Variants in XPNPEP3 observed in about 807,000 individuals in gnomAD.
XPNPEP3 encodes the protein xaa-Pro aminopeptidase 3.
Under a neutral mutation model 60.0 loss-of-function variants are expected in XPNPEP3, and 41 were observed. That is an observed-to-expected ratio of 0.68 (90% CI 0.53 to 0.89). The LOEUF is 0.89. Among genes scored for constraint, XPNPEP3 ranks in the 40% least tolerant of loss-of-function variants. XPNPEP3 has a pLI of 0.00. For synonymous variants in XPNPEP3, 212 were observed against 223.2 expected (o/e 0.95, Z 0.45); for missense variants, 598 against 638.9 (o/e 0.94, Z 0.69).
At chr22:40,861,432 G>C in intron 1 of XPNPEP3, 2 of 1,613,876 alleles carry the variant, frequency 1.2e-6, no homozygotes, top group Middle Eastern at 3.3e-4. Context: ...GTCTGAAGTT[G>C]TAACAGATAT....
At chr22:40,861,895 T>A (rs751415028) in intron 1 of XPNPEP3, 1 of 1,614,138 alleles carries the variant, frequency 6.2e-7, no homozygotes, top group South Asian at 1.1e-5. Flanking sequence ...TCTGGATTTT[T>A]ATCAGGGTGC....
chr22:40,879,496 G>A (rs564633372), intron 2 of XPNPEP3, among the ~76,000 whole-genome samples: 8 of 152,194 alleles, frequency 5.3e-5, no homozygotes, highest in South Asian at 2.1e-4. Context: ...GCTTGAGGCC[G>A]GGAGTTCGAG....
chr22:40,880,580 GA>G (rs1401467705), intron 2 of XPNPEP3, among the ~76,000 whole-genome samples: 1 of 151,056 alleles, frequency 6.6e-6, no homozygotes, highest in African/African-American at 2.4e-5. Flanking sequence ...AGGAAAGAGG[GA>G]AAAACATTTA....
chr22:40,881,999 G>A lies in XPNPEP3; in HGVS notation c.411G>A (p.Gln137=). The part of the protein sequence containing the change: ...FQEPDSILVL[Q]SLPGKQLPSH... ...AGCCTGATAGCATTCTTGTCCTTCAGAGCCTCCCTGGCAAACAATTACCAT... is the reference window on the plus strand; with the variant it reads ...AGCCTGATAGCATTCTTGTCCTTCAAAGCCTCCCTGGCAAACAATTACCAT... Residue 137 remains glutamine, a synonymous_variant, in exon 3 of 10, where the codon CAG becomes CAA. Transcript: ENST00000357137. 1.9e-6 allele frequency: 3 copies of A among 1,614,020 alleles called. No homozygotes were observed. Among genetic ancestry groups the A allele is most frequent in the Non-Finnish European group, 2.5e-6 (3 of 1,180,022 alleles).
rs761944263 is a variant in XPNPEP3, at chr22:40,922,532, C to T, written c.1236+19C>T. On this transcript the variant is annotated intron_variant, in intron 8 of 9. Coordinates refer to ENST00000357137, the MANE Select transcript of XPNPEP3 (RefSeq NM_022098.4). ...CTTCAAGGTACTTCACTTCTCTTGACCCCAGTTCTCAAGAACACCTAGCAT... is the reference window on the plus strand; with the variant it reads ...CTTCAAGGTACTTCACTTCTCTTGATCCCAGTTCTCAAGAACACCTAGCAT... The T allele has an allele frequency of 6.2e-7, 1 of 1,612,972 alleles. No individual in the cohort carries two copies. Among genetic ancestry groups the T allele is most frequent in the African/African-American group, 1.3e-5 (1 of 74,998 alleles).
intron 4 of XPNPEP3, among the ~76,000 whole-genome samples, chr22:40,899,438 A>G (rs1043384593): frequency 1.7e-4 from 26 of 152,148 alleles, no homozygotes; most frequent in African/African-American, 6.0e-4. Flanking sequence ...ACATTCCATG[A>G]TTTCAAAGCA....
At position 40,886,273 on chromosome 22, in the gene XPNPEP3, AGTTTT is replaced by A. The variant is rs571493992; in HGVS notation, c.590-34_590-30del. 4,815 of 1,591,274 alleles carry A rather than the reference AGTTTT, an allele frequency of 3.0e-3. 14 individuals carry two copies. The highest frequency in any genetic ancestry group is 3.5e-3 in the Non-Finnish European group (4,121 of 1,162,516). On this transcript the variant is annotated intron_variant, in intron 3 of 9. Coordinates refer to ENST00000357137, the MANE Select transcript of XPNPEP3 (RefSeq NM_022098.4). The stretch of plus-strand genomic sequence containing the variant: ...ACAGTTGATATTTCTTGTTGCTGGT[AGTTTT>A]GTTTTAAATTTATTTTTCGGCTTCT...
chr22:40,905,398 G>C (rs1377739588), intron 4 of XPNPEP3, among the ~76,000 whole-genome samples: 1 of 151,992 alleles, frequency 6.6e-6, no homozygotes, highest in Non-Finnish European at 1.5e-5. Context: ...GATTTTAATT[G>C]TTCATTATCC....
At chr22:40,913,449 A>AC (rs2058184051) in intron 6 of XPNPEP3, among the ~76,000 whole-genome samples, 1 of 151,944 alleles carries the variant, frequency 6.6e-6, no homozygotes, top group African/African-American at 2.4e-5. Context: ...AAAAAAAAAA[A>AC]AAAAAGAGGG....
intron 1 of XPNPEP3, among the ~76,000 whole-genome samples, chr22:40,865,795 A>G (rs1383701950): frequency 2.0e-5 from 3 of 152,070 alleles, no homozygotes; most frequent in Non-Finnish European, 4.4e-5. Flanking sequence ...TCGGCCTCCC[A>G]AAGTGCTGGG....
intron 1 of XPNPEP3, chr22:40,859,541 T>C (rs1248853426): frequency 6.6e-6 from 1 of 152,162 alleles, no homozygotes; most frequent in Non-Finnish European, 1.5e-5. Flanking sequence ...CATCTTATAT[T>C]AGAAGCATTT....
At chr22:40,913,576 G>A (rs1198251590) in intron 6 of XPNPEP3, among the ~76,000 whole-genome samples, 1 of 151,748 alleles carries the variant, frequency 6.6e-6, no homozygotes, top group Admixed American at 6.6e-5. Context: ...TAAAGCAAAG[G>A]CATATGGGTT....
chr22:40,915,139 C>T (rs1250183153), intron 7 of XPNPEP3, among the ~76,000 whole-genome samples: 3 of 150,640 alleles, frequency 2.0e-5, no homozygotes, highest in Non-Finnish European at 2.9e-5. Context: ...GCTAGCTCCA[C>T]CTCCCAGGTT....
At chr22:40,877,082 TTTC>T (rs1385119211) in intron 2 of XPNPEP3, among the ~76,000 whole-genome samples, 1 of 152,236 alleles carries the variant, frequency 6.6e-6, no homozygotes, top group Non-Finnish European at 1.5e-5. Flanking sequence ...TGTTTTGCCT[TTTC>T]TTGACTTTGT....
chr22:40,898,223 C>T (rs1185728258), intron 4 of XPNPEP3, among the ~76,000 whole-genome samples: 2 of 89,246 alleles, frequency 2.2e-5, no homozygotes, highest in South Asian at 3.9e-4. Context: ...GGTCTTTGAC[C>T]CATTTTTTTT....
chr22:40,925,722 G>A (rs576542637), intron 9 of XPNPEP3, among the ~76,000 whole-genome samples: 48 of 152,214 alleles, frequency 3.2e-4, no homozygotes, highest in Admixed American at 2.3e-3. Flanking sequence ...AGTTTCTCTT[G>A]TATTTTATAT....
rs1239678997 is a variant in XPNPEP3, at chr22:40,931,744, T to A, written c.*5309T>A. On this transcript the variant is annotated 3_prime_UTR_variant, in exon 10 of 10. Coordinates refer to ENST00000357137, the MANE Select transcript of XPNPEP3 (RefSeq NM_022098.4). ...AAGAGAAAAACTGGAGTGAGAACTC[T>A]CCTCCTCTCATAATCATAGTATCCA... 2.0e-5 allele frequency: 3 copies of A among 152,058 alleles called. No individual in the cohort carries two copies. The highest frequency in any genetic ancestry group is 4.4e-5 in the Non-Finnish European group (3 of 68,028). 9.4% of individuals were successfully genotyped at this position (152,058 alleles called of 1,614,324 possible).
chr22:40,922,293 G>T (rs2146280694), intron 7 of XPNPEP3, 40 bp from the exon 8 acceptor site: 1 of 1,611,698 alleles, frequency 6.2e-7, no homozygotes, highest in South Asian at 1.1e-5. Flanking sequence ...TAGAATATCA[G>T]ATTATCTAAG....
intron 2 of XPNPEP3, among the ~76,000 whole-genome samples, chr22:40,875,249 C>CA (rs1278731245): frequency 3.3e-5 from 5 of 152,240 alleles, no homozygotes; most frequent in Non-Finnish European, 4.4e-5. Flanking sequence ...GATCATATCT[C>CA]ACTGCAGTCT....
Sources: gnomAD v4.1 joint callset for allele counts (sites outside exome capture counted in the v4.1 genomes callset) on GRCh38, gnomAD v4.1.1 for gene constraint, MANE v1.5 for transcripts, NCBI Gene and HGNC (gene_info 2026-07-23, HGNC 2026-07-21) for gene names.